ITPR1: variants seen among roughly 807,000 people sequenced by gnomAD.
The protein encoded by ITPR1 is inositol 1,4,5-trisphosphate receptor type 1, also known as inositol 1,4,5-trisphosphate-gated calcium channel ITPR1.
ITPR1 carries 96 observed loss-of-function variants against 318.4 expected under a neutral mutation model. The ratio of observed to expected loss-of-function variants is 0.30; its 90% CI spans 0.26 to 0.36. The LOEUF is 0.36. Among genes scored for constraint, ITPR1 ranks in the 10% least tolerant of loss-of-function variants. The probability of loss-of-function intolerance (pLI) is 1.00; values close to 1 mark genes in which losing one functional copy is unlikely to be tolerated. For synonymous variants in ITPR1, 1,312 were observed against 1,289.9 expected, an observed-to-expected ratio of 1.02 and a Z score of -0.37; for missense variants, 2,440 against 3,460.2, an observed-to-expected ratio of 0.71 and a Z score of 7.40.
intron 4 of ITPR1, among the ~76,000 whole-genome samples, chr3:4,579,710 A>G (rs925324531): frequency 5.9e-5 from 9 of 152,132 alleles, no homozygotes; most frequent in Non-Finnish European, 1.2e-4. Context: ...TATTTTAATG[A>G]TAGAGAATTG....
At chr3:4,748,520 A>G (rs934622431) in intron 44 of ITPR1, among the ~76,000 whole-genome samples, 7 of 151,940 alleles carry the variant, frequency 4.6e-5, no homozygotes, top group Non-Finnish European at 1.0e-4. Flanking sequence ...CTTCCTCACA[A>G]TTGTTAGAGG....
At chr3:4,505,034 G>A (rs2081302406) in intron 2 of ITPR1, among the ~76,000 whole-genome samples, 1 of 151,860 alleles carries the variant, frequency 6.6e-6, no homozygotes, top group Non-Finnish European at 1.5e-5. Flanking sequence ...GCCCTGCTGG[G>A]TGCTGCTTGA....
chr3:4,506,446 CATCTT>C, intron 2 of ITPR1, among the ~76,000 whole-genome samples: 1 of 152,294 alleles, frequency 6.6e-6, no homozygotes, highest in South Asian at 2.1e-4. Context: ...TTAAACATCT[CATCTT>C]GTTTTTTCTG....
chr3:4,795,192 C>A lies in ITPR1; in HGVS notation c.6931+5C>A. The A allele has an allele frequency of 6.2e-7, 1 of 1,611,272 alleles. No individual in the cohort carries two copies. The highest frequency in any genetic ancestry group is 8.5e-7 in the Non-Finnish European group (1 of 1,178,810). On this transcript the variant is annotated splice_donor_5th_base_variant and intron_variant, in intron 53 of 61. Coordinates refer to ENST00000649015, the MANE Select transcript of ITPR1 (RefSeq NM_001378452.1). ...CGTTTAAGGGAGTCCGAGGAGGTACCCATATCTTTAACTTCAAAAATCCTA... is the reference window on the plus strand; with the variant it reads ...CGTTTAAGGGAGTCCGAGGAGGTACACATATCTTTAACTTCAAAAATCCTA...
At chr3:4,614,920 T>G (rs2092324234) in intron 4 of ITPR1, among the ~76,000 whole-genome samples, 1 of 152,174 alleles carries the variant, frequency 6.6e-6, no homozygotes, top group Non-Finnish European at 1.5e-5. Context: ...CAGAGCACAA[T>G]GCCTTATCAC....
chr3:4,812,958 G>A, intron 56 of ITPR1, 184 bp from the exon 57 acceptor site: 1 of 599,310 alleles, frequency 1.7e-6, no homozygotes, highest in Non-Finnish European at 3.0e-6. Flanking sequence ...GACATTTTTG[G>A]CTTTTTTCCC....
At chr3:4,690,190 G>C (rs556490056) in intron 31 of ITPR1, among the ~76,000 whole-genome samples, 15 of 152,304 alleles carry the variant, frequency 9.8e-5, no homozygotes, top group African/African-American at 3.4e-4. Context: ...CAGGAGAATA[G>C]CTTGAACTCA....
intron 20 of ITPR1, chr3:4,671,875 G>A (rs560733680): frequency 3.9e-5 from 6 of 152,272 alleles, no homozygotes; most frequent in African/African-American, 1.4e-4. Flanking sequence ...GTATGCATCT[G>A]TAAATCATAT....
rs2091953910 is a variant in ITPR1, at chr3:4,609,607, G to A, written c.164-18156G>A. Among the ~76,000 whole-genome samples the A allele has an allele frequency of 2.0e-5, 3 of 151,822 alleles. No homozygotes were observed. The South Asian group carries it at 6.2e-4, about 32-fold the overall frequency. ...GCTGGATGGGAAATGCTGGGATGGA[G>A]GGGGAAGGACTCTGGTGCTCAGGGC... On this transcript the variant is annotated intron_variant, in intron 4 of 61. Transcript: ENST00000649015.
chr3:4,607,773 A>C (rs1012872680), intron 4 of ITPR1, among the ~76,000 whole-genome samples: 1 of 152,142 alleles, frequency 6.6e-6, no homozygotes, highest in African/African-American at 2.4e-5. Flanking sequence ...TGGCAGGTCC[A>C]GGTGGAGGCC....
intron 60 of ITPR1, among the ~76,000 whole-genome samples, chr3:4,830,474 T>A (rs1247842289): frequency 6.6e-6 from 1 of 152,190 alleles, no homozygotes; most frequent in Admixed American, 6.5e-5. Flanking sequence ...CCCTAGCTCA[T>A]AAAAGGGACA....
intron 48 of ITPR1, among the ~76,000 whole-genome samples, chr3:4,777,601 C>A (rs570355164): frequency 7.2e-5 from 11 of 152,260 alleles, no homozygotes; most frequent in Non-Finnish European, 1.3e-4. Context: ...TTAGGTCACA[C>A]AGAATGAAGA....
chr3:4,808,460 A>G (rs1216870097), intron 55 of ITPR1, among the ~76,000 whole-genome samples: 1 of 152,244 alleles, frequency 6.6e-6, no homozygotes, highest in African/African-American at 2.4e-5. Flanking sequence ...AACCTATCAC[A>G]GAAAGATAAG....
At chr3:4,659,646 A>G (rs1456293900) in intron 13 of ITPR1, among the ~76,000 whole-genome samples, 1 of 152,024 alleles carries the variant, frequency 6.6e-6, no homozygotes, top group Non-Finnish European at 1.5e-5. Flanking sequence ...GATTGTGCCA[A>G]CTGTACTCCA....
At chr3:4,736,775 G>A (rs1330302464) in intron 44 of ITPR1, among the ~76,000 whole-genome samples, 1 of 152,214 alleles carries the variant, frequency 6.6e-6, no homozygotes, top group African/African-American at 2.4e-5. Context: ...AGGAAGCAGA[G>A]CTGAAATGCT....
At chr3:4,603,460 CCTT>C (rs2091452214) in intron 4 of ITPR1, among the ~76,000 whole-genome samples, 1 of 151,990 alleles carries the variant, frequency 6.6e-6, no homozygotes, top group African/African-American at 2.4e-5. Flanking sequence ...GACAGAGTCT[CCTT>C]CTGTCACCCA....
Position 4,799,642 on chromosome 3 carries a change from T to C in ITPR1, c.6932-783T>C, listed in dbSNP as rs1021665999. Reference sequence around the variant, plus strand: ...GTGACAGCATTTGAAATAGGGGTGTTTTTTTTTTAATGAGTGTTTTACAGA... The same window carrying C: ...GTGACAGCATTTGAAATAGGGGTGTCTTTTTTTTAATGAGTGTTTTACAGA... On this transcript the variant is annotated intron_variant, in intron 53 of 61. Transcript: ENST00000649015. Among the ~76,000 whole-genome samples the C allele has an allele frequency of 5.9e-5, 9 of 151,320 alleles. No individual in the cohort carries two copies. In the South Asian group the frequency reaches 1.9e-3, roughly 32 times the overall value.
intron 44 of ITPR1, among the ~76,000 whole-genome samples, chr3:4,766,177 C>G (rs2045805309): frequency 6.6e-6 from 1 of 152,046 alleles, no homozygotes; most frequent in Admixed American, 6.6e-5. Context: ...TGCAGTAATC[C>G]CCCCAGAAAA....
intron 5 of ITPR1, among the ~76,000 whole-genome samples, chr3:4,632,954 T>C (rs2125137077): frequency 6.9e-6 from 1 of 145,714 alleles, no homozygotes; most frequent in South Asian, 2.3e-4. Flanking sequence ...TTTTTTTTTT[T>C]TTTGAGATGG....
Sources: gnomAD v4.1 joint callset for allele counts (sites outside exome capture counted in the v4.1 genomes callset) on GRCh38, gnomAD v4.1.1 for gene constraint, MANE v1.5 for transcripts, NCBI Gene and HGNC (gene_info 2026-07-23, HGNC 2026-07-21) for gene names.